Variants in LRBA observed in about 807,000 individuals in gnomAD.
The protein encoded by LRBA is LPS responsive beige-like anchor protein.
LRBA carries 176 observed loss-of-function variants against 330.0 expected under a neutral mutation model. That is an observed-to-expected ratio of 0.53 (90% CI 0.47 to 0.60). LRBA has a LOEUF of 0.60. Ranked by LOEUF, LRBA falls within the 20% of genes least tolerant of loss-of-function variation. The probability of loss-of-function intolerance (pLI) is 0.00; values close to 1 mark genes in which losing one functional copy is unlikely to be tolerated. For synonymous variants in LRBA, 1,230 were observed against 1,193.0 expected (o/e 1.03, Z -0.64); for missense variants, 3,259 against 3,444.8 (o/e 0.95, Z 1.35).
At chr4:150,805,988 A>G (rs1291418443) in intron 33 of LRBA, among the ~76,000 whole-genome samples, 4 of 150,968 alleles carry the variant, frequency 2.6e-5, no homozygotes, top group African/African-American at 4.9e-5. Flanking sequence ...AGTCTCTCCA[A>G]TTCTTTGCTC....
rs1735933271 is a variant in LRBA, at chr4:150,943,807, A to AAAG, written c.217-14743_217-14742insCTT. Among the ~76,000 whole-genome samples, 7 of 152,342 alleles carry AAAG rather than the reference A, an allele frequency of 4.6e-5. No homozygotes were observed. The South Asian group carries it at 1.4e-3, about 32-fold the overall frequency. On this transcript the variant is annotated intron_variant, in intron 2 of 56. Transcript: ENST00000651943. ...AACCAGTCAGTCCAAAAGTCAAGCA[A>AAAG]CATAGATATCCTCCCACATTTGGCT...
At chr4:150,821,044 G>A (rs1745359957) in intron 30 of LRBA, among the ~76,000 whole-genome samples, 1 of 151,904 alleles carries the variant, frequency 6.6e-6, no homozygotes, top group Non-Finnish European at 1.5e-5. Flanking sequence ...AATGTGCTAG[G>A]GATATTTCTG....
At chr4:150,397,295 T>G (rs987187138) in intron 47 of LRBA, among the ~76,000 whole-genome samples, 13 of 152,230 alleles carry the variant, frequency 8.5e-5, no homozygotes, top group African/African-American at 2.9e-4. Flanking sequence ...TTTTCTTTTT[T>G]GAAGACAGGG....
intron 34 of LRBA, among the ~76,000 whole-genome samples, chr4:150,788,455 A>G (rs1408009581): frequency 1.3e-5 from 2 of 152,076 alleles, no homozygotes; most frequent in Non-Finnish European, 2.9e-5. Flanking sequence ...TCAAGAAAGG[A>G]AAGTAATTTG....
intron 37 of LRBA, among the ~76,000 whole-genome samples, chr4:150,660,446 T>C (rs1780900821): frequency 1.4e-5 from 2 of 142,242 alleles, no homozygotes; most frequent in African/African-American, 2.6e-5. Flanking sequence ...GGAGCCCCTC[T>C]GCCCGGCCAG....
intron 2 of LRBA, among the ~76,000 whole-genome samples, chr4:151,004,150 GC>G (rs1743742698): frequency 6.6e-6 from 1 of 152,028 alleles, no homozygotes. Context: ...GCAATTCTCT[GC>G]CCGGCCTCCC....
chr4:150,841,862 T>C (rs1749132677), intron 28 of LRBA, among the ~76,000 whole-genome samples: 1 of 151,974 alleles, frequency 6.6e-6, no homozygotes, highest in African/African-American at 2.4e-5. Flanking sequence ...TTCACCATGT[T>C]AGCCAGGATG....
At chr4:150,732,784 C>T (rs895908650) in intron 36 of LRBA, among the ~76,000 whole-genome samples, 2 of 151,988 alleles carry the variant, frequency 1.3e-5, no homozygotes, top group South Asian at 2.1e-4. Context: ...AAATATCCTA[C>T]ATTTTGGTTA....
chr4:150,475,322 C>T (rs1238708615), intron 42 of LRBA, among the ~76,000 whole-genome samples: 4 of 152,116 alleles, frequency 2.6e-5, no homozygotes, highest in African/African-American at 9.7e-5. Context: ...TTTCCTCCCT[C>T]CTATCTTCTG....
At chr4:150,281,854 T>C (rs1299290858) in intron 55 of LRBA, among the ~76,000 whole-genome samples, 1 of 152,212 alleles carries the variant, frequency 6.6e-6, no homozygotes, top group Non-Finnish European at 1.5e-5. Context: ...GTCCTGGAGA[T>C]GAAGCAAGAG....
At chr4:150,547,307 A>T (rs940291052) in intron 40 of LRBA, among the ~76,000 whole-genome samples, 1 of 152,174 alleles carries the variant, frequency 6.6e-6, no homozygotes, top group Non-Finnish European at 1.5e-5. Flanking sequence ...AGGAAAAAAG[A>T]AAAAGAAAAA....
intron 2 of LRBA, among the ~76,000 whole-genome samples, chr4:151,007,526 A>AC (rs201088239): frequency 0.11 from 16,596 of 148,964 alleles, 1,362 homozygotes; most frequent in South Asian, 0.29. Flanking sequence ...AACAAAAAAA[A>AC]AAATGGCACT....
At chr4:150,654,576 G>T (rs570968988) in intron 37 of LRBA, among the ~76,000 whole-genome samples, 126 of 152,128 alleles carry the variant, frequency 8.3e-4, no homozygotes, top group Non-Finnish European at 1.5e-3. Context: ...AAGTTTTAGG[G>T]TACATGGGCA....
rs186257475 is a variant in LRBA at position 150,924,945 on chromosome 4, G to C, written c.549+3571C>G. Among the ~76,000 whole-genome samples, 27 of 152,160 alleles carry C rather than the reference G, an allele frequency of 1.8e-4. No individual in the cohort carries two copies. The East Asian group carries it at 5.2e-3, about 29-fold the overall frequency. On this transcript the variant is annotated intron_variant, in intron 4 of 56. Transcript: ENST00000651943. Reference sequence around the variant, plus strand: ...TGCCTGTAATCCTAGCACTCTGGGAGGACTGCTTGAGCTCAGGAGTTTGAC... The same window carrying C: ...TGCCTGTAATCCTAGCACTCTGGGACGACTGCTTGAGCTCAGGAGTTTGAC...
At chr4:150,346,149 T>C (rs905693079) in intron 48 of LRBA, among the ~76,000 whole-genome samples, 7 of 152,172 alleles carry the variant, frequency 4.6e-5, no homozygotes, top group African/African-American at 1.4e-4. Context: ...ATAAATTAAA[T>C]GTGTGTATTT....
rs1481584344 is a variant in LRBA, at chr4:150,998,392, C to T, written c.216+16035G>A. Among the ~76,000 whole-genome samples the T allele has an allele frequency of 5.3e-5, 8 of 151,716 alleles. No individual in the cohort carries two copies. In the East Asian group the frequency reaches 1.2e-3, roughly 22 times the overall value. On this transcript the variant is annotated intron_variant, in intron 2 of 56. Transcript: ENST00000651943. ...AAAGAGAGATAGGGTCTCATTCTGT[C>T]GCCCAGGATAGAGTACAGTGGCATA...
In LRBA at chr4:150,960,615, G is replaced by C. The variant is rs185477900; in HGVS notation, c.217-31550C>G. The stretch of plus-strand genomic sequence containing the variant: ...CAAGATAGAGGTTCCATTTGAGGGA[G>C]AGAGGCAGTTGTAATTAGAGGGATT... On this transcript the variant is annotated intron_variant, in intron 2 of 56. Coordinates refer to ENST00000651943, the MANE Select transcript of LRBA (RefSeq NM_001364905.1). Among the ~76,000 whole-genome samples the C allele has an allele frequency of 1.8e-3, 271 of 149,328 alleles. 8 individuals carry two copies. Among genetic ancestry groups the C allele is most frequent in the Non-Finnish European group, 2.8e-3 (193 of 68,008 alleles).
intron 48 of LRBA, among the ~76,000 whole-genome samples, chr4:150,336,504 GAGAA>G (rs1457024611): frequency 6.6e-6 from 1 of 151,888 alleles, no homozygotes; most frequent in African/African-American, 2.4e-5. Context: ...AAAAAATAAA[GAGAA>G]AGAGCAGCTT....
intron 47 of LRBA, among the ~76,000 whole-genome samples, chr4:150,356,298 A>T (rs1737837023): frequency 6.6e-6 from 1 of 152,106 alleles, no homozygotes; most frequent in Non-Finnish European, 1.5e-5. Flanking sequence ...AAGAGCAGCC[A>T]CTTTGCGGAA....
Sources: allele counts gnomAD v4.1 joint callset (sites outside exome capture counted in the v4.1 genomes callset), GRCh38; gene constraint gnomAD v4.1.1; transcripts MANE v1.5; gene names NCBI Gene and HGNC (gene_info 2026-07-23, HGNC 2026-07-21).